The following LPAR1 variants were observed in gnomAD, a reference collection of about 807,000 sequenced individuals.
The protein encoded by LPAR1 is lysophosphatidic acid receptor 1.
In LPAR1, 5 loss-of-function variants were observed where a neutral mutation model predicts 23.8. The observed-to-expected ratio is 0.21, with a 90% CI of 0.11 to 0.44. The LOEUF (loss-of-function observed/expected upper bound fraction) is 0.44. Among genes scored for constraint, LPAR1 ranks in the 20% least tolerant of loss-of-function variants. The pLI is 0.99. For synonymous variants in LPAR1, 160 were observed against 164.7 expected (o/e 0.97, Z 0.22); for missense variants, 311 against 482.8 (o/e 0.64, Z 3.33).
chr9:110,934,808 GAACACACACACA>G (rs1482069611), intron 5 of LPAR1, among the ~76,000 whole-genome samples: 1 of 147,876 alleles, frequency 6.8e-6, no homozygotes, highest in Non-Finnish European at 1.5e-5. Flanking sequence ...GAATATAACT[GAACACACACACA>G]AACACACACA....
chr9:110,980,044 A>G (rs1224769529), intron 2 of LPAR1, among the ~76,000 whole-genome samples: 10 of 152,138 alleles, frequency 6.6e-5, no homozygotes, highest in Admixed American at 2.0e-4. Context: ...ATAGAATTCT[A>G]CATGGCTCAG....
chr9:110,895,233 T>C (rs1188236977), intron 5 of LPAR1, among the ~76,000 whole-genome samples: 1 of 152,186 alleles, frequency 6.6e-6, no homozygotes, highest in East Asian at 1.9e-4. Context: ...ATGAAATCCT[T>C]CTGGCTTTAG....
chr9:110,996,603 G>C (rs2097013866), intron 2 of LPAR1, among the ~76,000 whole-genome samples: 1 of 152,082 alleles, frequency 6.6e-6, no homozygotes, highest in African/African-American at 2.4e-5. Flanking sequence ...AAAGGGCTGA[G>C]GTTACAGCGA....
chr9:110,914,473 A>AC (rs1429798721), intron 5 of LPAR1, among the ~76,000 whole-genome samples: 3 of 152,092 alleles, frequency 2.0e-5, no homozygotes, highest in Non-Finnish European at 4.4e-5. Flanking sequence ...GGAAAGACCC[A>AC]CCCCCATGAT....
At chr9:110,880,849 G>C (rs1234526824) in intron 5 of LPAR1, among the ~76,000 whole-genome samples, 1 of 152,134 alleles carries the variant, frequency 6.6e-6, no homozygotes, top group African/African-American at 2.4e-5. Context: ...TCAAATTTTA[G>C]TTCATCTCTG....
intron 5 of LPAR1, among the ~76,000 whole-genome samples, chr9:110,903,938 A>G (rs2133982729): frequency 6.7e-6 from 1 of 150,174 alleles, no homozygotes; most frequent in African/African-American, 2.4e-5. Context: ...ACAACACATT[A>G]CCTATTAGGG....
intron 2 of LPAR1, among the ~76,000 whole-genome samples, chr9:111,024,428 T>C (rs1422305206): frequency 6.8e-6 from 1 of 147,626 alleles, no homozygotes; most frequent in Non-Finnish European, 1.5e-5. Flanking sequence ...TATTTATATA[T>C]ACATATATAA....
In LPAR1 at chr9:110,896,257, A is replaced by C. The variant is rs191409177; in HGVS notation, c.794-20535T>G. 2.3e-4 allele frequency among the ~76,000 whole-genome samples: 35 copies of C among 152,216 alleles called. No homozygotes were observed. In the East Asian group the frequency reaches 6.2e-3, roughly 27 times the overall value. On this transcript the variant is annotated intron_variant, in intron 5 of 5. Coordinates refer to ENST00000683809, the MANE Select transcript of LPAR1 (RefSeq NM_001351411.2). ...TTATATTTTCAAAAACATTGCTGAC[A>C]ATTTTCTTTTTGACAGTTATTTTTC...
intron 5 of LPAR1, among the ~76,000 whole-genome samples, chr9:110,916,761 C>T (rs910109928): frequency 6.6e-6 from 1 of 152,108 alleles, no homozygotes; most frequent in African/African-American, 2.4e-5. Flanking sequence ...CCTAAAAAAA[C>T]TCCACTCACT....
intron 4 of LPAR1, among the ~76,000 whole-genome samples, chr9:110,971,871 T>C (rs1260284156): frequency 6.6e-6 from 1 of 152,124 alleles, no homozygotes; most frequent in African/African-American, 2.4e-5. Context: ...GCCAGTTCAC[T>C]AAAATCACTT....
At chr9:110,977,028 T>C (rs905533795) in intron 2 of LPAR1, among the ~76,000 whole-genome samples, 3 of 119,630 alleles carry the variant, frequency 2.5e-5, no homozygotes, top group African/African-American at 7.7e-5. Flanking sequence ...CTGGAAACTA[T>C]AAATAGATCT....
intron 5 of LPAR1, among the ~76,000 whole-genome samples, chr9:110,914,787 GA>G (rs57623514): frequency 0.081 from 12,328 of 151,832 alleles, 1,700 homozygotes; most frequent in African/African-American, 0.28. Flanking sequence ...CTCAAGGGGG[GA>G]AAAAAAGCTT....
intron 5 of LPAR1, among the ~76,000 whole-genome samples, chr9:110,918,965 C>G (rs1437709499): frequency 6.6e-6 from 1 of 152,062 alleles, no homozygotes; most frequent in Non-Finnish European, 1.5e-5. Flanking sequence ...GAGTCACACT[C>G]TTGTGTAGTC....
intron 4 of LPAR1, among the ~76,000 whole-genome samples, chr9:110,962,022 C>T (rs2096011875): frequency 2.0e-5 from 3 of 152,172 alleles, no homozygotes; most frequent in Non-Finnish European, 2.9e-5. Flanking sequence ...TCCTCACAAT[C>T]ATTTGCCACC....
intron 2 of LPAR1, among the ~76,000 whole-genome samples, chr9:110,997,212 G>T (rs2097030173): frequency 6.6e-6 from 1 of 152,108 alleles, no homozygotes; most frequent in Non-Finnish European, 1.5e-5. Flanking sequence ...TCAAAGCAAA[G>T]GGCAGATATT....
intron 2 of LPAR1, among the ~76,000 whole-genome samples, chr9:111,028,486 T>C (rs998043099): frequency 8.5e-5 from 13 of 152,162 alleles, no homozygotes; most frequent in African/African-American, 2.9e-4. Flanking sequence ...GAAATGAGTA[T>C]AATTTAAAAG....
intron 2 of LPAR1, among the ~76,000 whole-genome samples, chr9:110,994,426 T>C (rs2096955671): frequency 6.6e-6 from 1 of 152,210 alleles, no homozygotes; most frequent in Non-Finnish European, 1.5e-5. Context: ...TGGGATCTGA[T>C]AATTAGATGA....
chr9:110,944,545 C>T (rs889207763), intron 4 of LPAR1, among the ~76,000 whole-genome samples: 1 of 152,078 alleles, frequency 6.6e-6, no homozygotes. Context: ...AAATATCAAG[C>T]GTATATTATT....
At chr9:111,024,888 T>C (rs1295059895) in intron 2 of LPAR1, among the ~76,000 whole-genome samples, 10 of 152,200 alleles carry the variant, frequency 6.6e-5, no homozygotes, top group Non-Finnish European at 1.2e-4. Flanking sequence ...ACTCACCTTT[T>C]TTATGGCTGC....
Sources: allele counts gnomAD v4.1 joint callset (sites outside exome capture counted in the v4.1 genomes callset), GRCh38; gene constraint gnomAD v4.1.1; transcripts MANE v1.5; gene names NCBI Gene and HGNC (gene_info 2026-07-23, HGNC 2026-07-21).